The following RPS24 variants were observed in gnomAD, a reference collection of about 807,000 sequenced individuals.
RPS24 encodes ribosomal protein S24.
For missense variants in RPS24, 100 were observed against 162.5 expected (o/e 0.62, Z 2.09); for synonymous variants, 72 against 55.6 (o/e 1.30, Z -1.31).
chr10:78,036,904 G>GA (rs1847881003), intron 3 of RPS24, among the ~76,000 whole-genome samples: 1 of 152,236 alleles, frequency 6.6e-6, no homozygotes, highest in South Asian at 2.1e-4. Context: ...TGCAAAAGAA[G>GA]AAAAAATAGT....
At chr10:78,037,588 A>G in intron 4 of RPS24, 1 of 406,260 alleles carries the variant, frequency 2.5e-6, no homozygotes, top group East Asian at 5.4e-5. Flanking sequence ...GCCTATCACA[A>G]GAAGTTTTAA....
chr10:78,043,973 C>T (rs538428747), downstream of RPS24, among the ~76,000 whole-genome samples: 256 of 152,280 alleles, frequency 1.7e-3, 1 homozygote, highest in African/African-American at 6.0e-3. Context: ...CTCTCCCTTC[C>T]ACATAGGCAT....
chr10:78,053,924 G>A lies in RPS24; in HGVS notation c.391-607G>A, dbSNP rs183354822. On this transcript the variant is annotated intron_variant, in intron 4 of 4. Coordinates refer to the RPS24 transcript ENST00000440692. Reference sequence around the variant, plus strand: ...TACCACGAACCAATTTGCAGAGCTGGATGGTCTGGAGGAAGCAGTATGGCT... The same window carrying A: ...TACCACGAACCAATTTGCAGAGCTGAATGGTCTGGAGGAAGCAGTATGGCT... Among the ~76,000 whole-genome samples, 11 of 152,268 alleles carry A rather than the reference G, an allele frequency of 7.2e-5. No homozygotes were observed. In the East Asian group the frequency reaches 2.1e-3, roughly 29 times the overall value.
intron 4 of RPS24, 169 bp downstream of exon 4, chr10:78,037,473 T>C: frequency 1.8e-6 from 2 of 1,138,114 alleles, no homozygotes; most frequent in African/African-American, 3.1e-5. Context: ...TGTAGCATAG[T>C]GTCTTAACAC....
At chr10:78,044,098 T>C (rs1158373150), downstream of RPS24, among the ~76,000 whole-genome samples, 1 of 152,200 alleles carries the variant, frequency 6.6e-6, no homozygotes. Flanking sequence ...ACTTTAATTA[T>C]GTATATATAG....
At chr10:78,048,234 A>G (rs778661811) in intron 4 of RPS24, among the ~76,000 whole-genome samples, 8 of 152,348 alleles carry the variant, frequency 5.3e-5, no homozygotes, top group South Asian at 2.1e-4. Flanking sequence ...TAAAAAGTCC[A>G]TATCTTCAGA....
At chr10:78,055,493 G>A (rs1848141765) in exon 5 of RPS24, 1 of 153,090 alleles carries the variant, frequency 6.5e-6, no homozygotes, top group Non-Finnish European at 1.5e-5. Flanking sequence ...ACGGAATGAC[G>A]GCTGTGTGGG....
chr10:78,043,000 C>T (rs1404568946), downstream of RPS24, among the ~76,000 whole-genome samples: 1 of 106,370 alleles, frequency 9.4e-6, no homozygotes, highest in Non-Finnish European at 2.4e-5. Flanking sequence ...TGCGCGCGCA[C>T]ACACATACAC....
At chr10:78,038,644 C>T (rs1847928442) in intron 4 of RPS24, 1 of 151,592 alleles carries the variant, frequency 6.6e-6, no homozygotes, top group Admixed American at 6.6e-5. Flanking sequence ...TAGAATGGCC[C>T]ATTACCTCAT....
intron 4 of RPS24, among the ~76,000 whole-genome samples, chr10:78,049,673 A>T (rs1848080505): frequency 6.6e-6 from 1 of 152,174 alleles, no homozygotes; most frequent in Admixed American, 6.5e-5. Context: ...AAATCCAAGG[A>T]GGTCTTCACC....
intron 1 of RPS24, chr10:78,034,259 G>T (rs907614344): frequency 1.8e-4 from 76 of 434,010 alleles, no homozygotes; most frequent in Non-Finnish European, 2.9e-4. Flanking sequence ...TAGGCGGCTT[G>T]CAGGTGATGG....
At chr10:78,034,223 C>T (rs1426282619) in intron 1 of RPS24, 14 of 521,584 alleles carry the variant, frequency 2.7e-5, no homozygotes, top group Middle Eastern at 5.2e-4. Flanking sequence ...AGGCACATCT[C>T]GTCTGCAGTT....
intron 4 of RPS24, among the ~76,000 whole-genome samples, chr10:78,046,330 A>C (rs1227505836): frequency 4.6e-5 from 7 of 150,666 alleles, no homozygotes; most frequent in Non-Finnish European, 8.8e-5. Flanking sequence ...AGTCTTGCAC[A>C]AATTATCTCA....
chr10:78,035,299 A>G, intron 1 of RPS24, 53 bp from the exon 2 acceptor site: 1 of 1,547,462 alleles, frequency 6.5e-7, no homozygotes, highest in Non-Finnish European at 8.9e-7. Context: ...AAATCACAGC[A>G]AGGCCAAGAA....
exon 5 of RPS24, chr10:78,054,982 C>T (rs1256393595): frequency 1.8e-5 from 27 of 1,479,446 alleles, no homozygotes; most frequent in Non-Finnish European, 2.3e-5. Context: ...TTCTCCCCAC[C>T]TTCCTGCCTC....
intron 4 of RPS24, among the ~76,000 whole-genome samples, chr10:78,047,513 A>G (rs1019992263): frequency 1.3e-5 from 2 of 152,154 alleles, no homozygotes; most frequent in African/African-American, 4.8e-5. Flanking sequence ...TGTTGTCAAG[A>G]CCGCTACCCT....
At chr10:78,051,600 G>A (rs527521957) in intron 4 of RPS24, among the ~76,000 whole-genome samples, 1 of 152,184 alleles carries the variant, frequency 6.6e-6, no homozygotes, top group Non-Finnish European at 1.5e-5. Context: ...TATATACCTC[G>A]GGGTGGAATT....
At chr10:78,037,435 A>C in intron 4 of RPS24, 131 bp downstream of exon 4, 8 of 1,377,360 alleles carry the variant, frequency 5.8e-6, no homozygotes, top group Middle Eastern at 2.3e-4. Context: ...CTTCTGGATT[A>C]CAGAAGGTAA....
At chr10:78,048,467 A>G (rs1259892945) in intron 4 of RPS24, among the ~76,000 whole-genome samples, 1 of 152,062 alleles carries the variant, frequency 6.6e-6, no homozygotes, top group Non-Finnish European at 1.5e-5. Context: ...AATCTCCAGA[A>G]CTGCCTTTTC....
Sources: gnomAD v4.1 joint callset for allele counts (sites outside exome capture counted in the v4.1 genomes callset) on GRCh38, gnomAD v4.1.1 for gene constraint, MANE v1.5 for transcripts, NCBI Gene and HGNC (gene_info 2026-07-23, HGNC 2026-07-21) for gene names.